The following GALNT17 variants were observed in gnomAD, a reference collection of about 807,000 sequenced individuals.
GALNT17 encodes UDP-GalNAc:polypeptide N-acetylgalactosaminyltransferase-like 3.
A neutral mutation model predicts 63.7 loss-of-function variants in GALNT17; 29 were observed. The observed-to-expected ratio is 0.46, with a 90% CI of 0.34 to 0.62. The LOEUF (loss-of-function observed/expected upper bound fraction) is 0.62. GALNT17 is among the 20% of genes least tolerant of loss of function. GALNT17 has a pLI of 0.01. For synonymous variants in GALNT17, 305 were observed against 318.3 expected, an observed-to-expected ratio of 0.96 and a Z score of 0.45; for missense variants, 603 against 799.6, an observed-to-expected ratio of 0.75 and a Z score of 2.97.
intron 6 of GALNT17, among the ~76,000 whole-genome samples, chr7:71,603,313 A>T (rs1002122713): frequency 6.6e-6 from 1 of 151,900 alleles, no homozygotes; most frequent in Non-Finnish European, 1.5e-5. Flanking sequence ...TACACCAGGT[A>T]CTATGCTAGT....
chr7:71,234,032 C>T (rs1003971119), intron 1 of GALNT17, among the ~76,000 whole-genome samples: 3 of 152,112 alleles, frequency 2.0e-5, no homozygotes, highest in Non-Finnish European at 2.9e-5. Flanking sequence ...AATCTGCCCC[C>T]GTGATCCAGT....
intron 5 of GALNT17, among the ~76,000 whole-genome samples, chr7:71,453,446 G>GA (rs1304458741): frequency 1.3e-5 from 2 of 152,124 alleles, no homozygotes; most frequent in Non-Finnish European, 2.9e-5. Flanking sequence ...TGGTAGGCCA[G>GA]AAAAAAGAAT....
At chr7:71,506,134 A>T (rs938798222) in intron 5 of GALNT17, among the ~76,000 whole-genome samples, 2 of 152,236 alleles carry the variant, frequency 1.3e-5, no homozygotes, top group African/African-American at 2.4e-5. Flanking sequence ...ATGTAACAAA[A>T]TATCACTAGG....
chr7:71,259,680 C>T lies in GALNT17; in HGVS notation c.239-75870C>T, dbSNP rs1359917678. 7.1e-5 allele frequency among the ~76,000 whole-genome samples: 10 copies of T among 140,212 alleles called. No individual in the cohort carries two copies. The East Asian group carries it at 1.9e-3, about 27-fold the overall frequency. The allele number at this position is 140,212 out of a possible 152,430, so 92.0% of individuals were successfully genotyped here. A position where few individuals can be genotyped will look rare whatever the true frequency, so the allele number is the denominator to read the frequency against. On this transcript the variant is annotated intron_variant, in intron 1 of 10. Transcript: ENST00000333538. ...TTTTTGAGACGGAGTCTTGCTCTGT[C>T]ACTCAGGCTGGAGTGCAGTGGCGCA... is the stretch of plus-strand genomic sequence containing the variant.
rs199835659 is a variant in GALNT17 at position 71,677,221 on chromosome 7, A to G, written c.1415A>G (p.Asn472Ser). 36 of 1,613,860 alleles carry G rather than the reference A, an allele frequency of 2.2e-5. No homozygotes were observed. Among genetic ancestry groups the G allele is most frequent in the Middle Eastern group, 1.6e-4 (1 of 6,084 alleles). ...TGTCTATTCTTGCAGCTTCGCAACAACAAGGCAAAAGACGTCTGCTTGGAC... is the reference window on the plus strand; with the variant it reads ...TGTCTATTCTTGCAGCTTCGCAACAGCAAGGCAAAAGACGTCTGCTTGGAC... ...NTVAYGELRNNKAKDVCLDQG... is the reference protein window; with the variant it reads ...NTVAYGELRNSKAKDVCLDQG... Residue 472 changes from asparagine to serine, a missense_variant, in exon 9 of 11, where the codon AAC becomes AGC. Around this residue, in one of 3 missense-constraint regions of GALNT17, gnomAD observed 336 missense variants for 507.8 expected, o/e 0.66. Coordinates refer to ENST00000333538, the MANE Select transcript of GALNT17 (RefSeq NM_022479.3).
chr7:71,592,544 A>AATAAAATAGCATAGCATAGC lies in GALNT17; in HGVS notation c.1080+21145_1080+21146insAAATAGCATAGCATAGCATA, dbSNP rs11267770. ...AATAAAATAAAATAAAATAAAATAA[A>AATAAAATAGCATAGCATAGC]ATAGCATAGCATAGCATACTAAAAT... On this transcript the variant is annotated intron_variant, in intron 6 of 10. Transcript: ENST00000333538. Among the ~76,000 whole-genome samples, 44 of 115,366 alleles carry AATAAAATAGCATAGCATAGC rather than the reference A, an allele frequency of 3.8e-4. No individual in the cohort carries two copies. The South Asian group carries it at 5.6e-3, about 15-fold the overall frequency. The allele number at this position is 115,366 out of a possible 152,430, so 75.7% of individuals were successfully genotyped here. A position where few individuals can be genotyped will look rare whatever the true frequency, so the allele number is the denominator to read the frequency against.
chr7:71,661,414 G>C (rs958424070), intron 6 of GALNT17, among the ~76,000 whole-genome samples: 2 of 152,198 alleles, frequency 1.3e-5, no homozygotes, highest in African/African-American at 4.8e-5. Context: ...AGGCAGAGCA[G>C]GTATACTTGC....
chr7:71,689,105 G>T (rs1023840482), intron 9 of GALNT17, among the ~76,000 whole-genome samples: 1 of 152,024 alleles, frequency 6.6e-6, no homozygotes, highest in South Asian at 2.1e-4. Flanking sequence ...AGACAGGACC[G>T]CGAACGTAAA....
intron 5 of GALNT17, among the ~76,000 whole-genome samples, chr7:71,545,440 C>T (rs1366973132): frequency 6.6e-6 from 1 of 152,210 alleles, no homozygotes; most frequent in Admixed American, 6.5e-5. Context: ...GCAACCTCTG[C>T]CTCTGGATTC....
At chr7:71,606,486 C>T (rs951900573) in intron 6 of GALNT17, among the ~76,000 whole-genome samples, 4 of 152,136 alleles carry the variant, frequency 2.6e-5, no homozygotes, top group Non-Finnish European at 5.9e-5. Context: ...CCTGTTTTTA[C>T]TGACCTGTAA....
intron 1 of GALNT17, among the ~76,000 whole-genome samples, chr7:71,172,620 A>G (rs892214652): frequency 2.0e-5 from 3 of 152,138 alleles, no homozygotes; most frequent in African/African-American, 7.2e-5. Context: ...TCAGTCCAGA[A>G]GACACCGTAA....
At chr7:71,189,179 A>T (rs1788905684) in intron 1 of GALNT17, among the ~76,000 whole-genome samples, 1 of 152,146 alleles carries the variant, frequency 6.6e-6, no homozygotes, top group Non-Finnish European at 1.5e-5. Context: ...AATAAATCTC[A>T]TGAGATCTGA....
chr7:71,327,860 A>G (rs1791730617), intron 1 of GALNT17, among the ~76,000 whole-genome samples: 1 of 152,206 alleles, frequency 6.6e-6, no homozygotes, highest in South Asian at 2.1e-4. Flanking sequence ...ACTGGATTAT[A>G]GAAGATTTAG....
In GALNT17 at chr7:71,573,245, G is replaced by A. The variant is rs11762297; in HGVS notation, c.1080+1843G>A. ...CACTGGTCTTGAACTCCTGACCTTAGCTGATCTTCCCGCCTCGGCCTCCCA... is the reference window on the plus strand; with the variant it reads ...CACTGGTCTTGAACTCCTGACCTTAACTGATCTTCCCGCCTCGGCCTCCCA... On this transcript the variant is annotated intron_variant, in intron 6 of 10. Transcript: ENST00000333538. Among the ~76,000 whole-genome samples, 10 of 152,060 alleles carry A rather than the reference G, an allele frequency of 6.6e-5. No homozygotes were observed. The East Asian group carries it at 1.9e-3, about 29-fold the overall frequency.
At chr7:71,179,879 A>G (rs1788705278) in intron 1 of GALNT17, among the ~76,000 whole-genome samples, 1 of 152,202 alleles carries the variant, frequency 6.6e-6, no homozygotes, top group Non-Finnish European at 1.5e-5. Context: ...GGACCCTTAA[A>G]TAAGTTCATT....
Position 71,408,660 on chromosome 7 carries a change from C to T in GALNT17, c.590-7229C>T, listed in dbSNP as rs111433480. Among the ~76,000 whole-genome samples, 1,042 of 152,118 alleles carry T rather than the reference C, an allele frequency of 6.8e-3. 15 individuals carry two copies. Among genetic ancestry groups the T allele is most frequent in the African/African-American group, 0.024 (981 of 41,494 alleles). On this transcript the variant is annotated intron_variant, in intron 3 of 10. Transcript: ENST00000333538. ...GGGGAGCGGGGGAGGGATTGCTTGA[C>T]GCCAGGAGTTTGAAACCAGCCCGGG... is the stretch of plus-strand genomic sequence containing the variant.
chr7:71,628,478 A>G (rs981303368), intron 6 of GALNT17, among the ~76,000 whole-genome samples: 3 of 151,906 alleles, frequency 2.0e-5, no homozygotes, highest in Non-Finnish European at 4.4e-5. Context: ...GTGTACCACC[A>G]CGCCCAGCTA....
At chr7:71,212,417 G>A (rs970814759) in intron 1 of GALNT17, among the ~76,000 whole-genome samples, 1 of 152,244 alleles carries the variant, frequency 6.6e-6, no homozygotes, top group Non-Finnish European at 1.5e-5. Context: ...GGGCCCTCAT[G>A]GAGAACCTCT....
intron 6 of GALNT17, among the ~76,000 whole-genome samples, chr7:71,664,335 A>G (rs961573922): frequency 2.6e-5 from 4 of 151,468 alleles, no homozygotes; most frequent in African/African-American, 9.7e-5. Flanking sequence ...CTAGGCTGGG[A>G]GTAGTGGCAC....
Sources: gnomAD v4.1 joint callset for allele counts (sites outside exome capture counted in the v4.1 genomes callset) on GRCh38, gnomAD v4.1.1 for gene constraint, gnomAD v4.1.1 regional missense constraint, MANE v1.5 for transcripts, NCBI Gene and HGNC (gene_info 2026-07-23, HGNC 2026-07-21) for gene names.